The following PTPRD variants were observed in gnomAD, a reference collection of about 807,000 sequenced individuals.
PTPRD encodes protein tyrosine phosphatase receptor type D, also known as receptor-type tyrosine-protein phosphatase delta.
In PTPRD, 34 loss-of-function variants were observed where a neutral mutation model predicts 214.5. The observed-to-expected ratio is 0.16, with a 90% CI of 0.12 to 0.21. The LOEUF (loss-of-function observed/expected upper bound fraction) is 0.21, where lower values mean the gene tolerates loss of function less well. Ranked by LOEUF, PTPRD falls within the 10% of genes least tolerant of loss-of-function variation. The pLI, the probability that PTPRD is intolerant of heterozygous loss-of-function variation, is 1.00. For synonymous variants in PTPRD, 1,128 were observed against 845.7 expected (o/e 1.33, Z -5.79); for missense variants, 2,545 against 2,398.7 (o/e 1.06, Z -1.27).
intron 2 of PTPRD, among the ~76,000 whole-genome samples, chr9:10,494,828 T>C (rs1192637339): frequency 6.6e-6 from 1 of 151,610 alleles, no homozygotes; most frequent in Non-Finnish European, 1.5e-5. Context: ...TGTTTTGATA[T>C]AATTTTATTC....
chr9:10,442,399 G>C (rs562651562), intron 2 of PTPRD, among the ~76,000 whole-genome samples: 2 of 151,726 alleles, frequency 1.3e-5, no homozygotes, highest in South Asian at 4.1e-4. Context: ...AAGTCTGAAA[G>C]GTAGGAGAAT....
rs192580141 is a variant in PTPRD, at chr9:9,835,278, C to T, written c.-367-68427G>A. ...ACTTGTGCCTCTGCCATGAGATAACCATACAACCCCTGAGACTTTTTTTTA... is the reference window on the plus strand; with the variant it reads ...ACTTGTGCCTCTGCCATGAGATAACTATACAACCCCTGAGACTTTTTTTTA... On this transcript the variant is annotated intron_variant, in intron 5 of 45. Transcript: ENST00000381196. Among the ~76,000 whole-genome samples, 385 of 152,150 alleles carry T rather than the reference C, an allele frequency of 2.5e-3. 1 individual carries two copies. The highest frequency in any genetic ancestry group is 4.7e-3 in the Non-Finnish European group (319 of 67,990).
chr9:9,385,556 G>A (rs1382665221), intron 9 of PTPRD, among the ~76,000 whole-genome samples: 1 of 152,096 alleles, frequency 6.6e-6, no homozygotes, highest in Non-Finnish European at 1.5e-5. Context: ...CTTTCAGTGA[G>A]CAAGTATTTC....
At chr9:8,644,267 T>C (rs927542939) in intron 12 of PTPRD, among the ~76,000 whole-genome samples, 1 of 151,798 alleles carries the variant, frequency 6.6e-6, no homozygotes, top group Non-Finnish European at 1.5e-5. Flanking sequence ...AGAGAGGAGC[T>C]ACCCTCTCTG....
chr9:10,342,802 G>A (rs753076526), intron 2 of PTPRD, among the ~76,000 whole-genome samples: 1 of 152,042 alleles, frequency 6.6e-6, no homozygotes, highest in Non-Finnish European at 1.5e-5. Flanking sequence ...GATAAATAAT[G>A]TGCTTGTGTG....
At chr9:9,951,373 G>A (rs1324596929) in intron 4 of PTPRD, among the ~76,000 whole-genome samples, 1 of 152,144 alleles carries the variant, frequency 6.6e-6, no homozygotes, top group African/African-American at 2.4e-5. Context: ...TTATGAAAGT[G>A]GTAGGCCTGT....
At chr9:9,816,174 T>G (rs184490503) in intron 5 of PTPRD, among the ~76,000 whole-genome samples, 161 of 152,280 alleles carry the variant, frequency 1.1e-3, no homozygotes, top group African/African-American at 3.4e-3. Context: ...AACAAAATAT[T>G]TGTTTTCTTG....
intron 12 of PTPRD, among the ~76,000 whole-genome samples, chr9:8,689,110 G>A (rs930397995): frequency 6.6e-6 from 1 of 152,074 alleles, no homozygotes; most frequent in African/African-American, 2.4e-5. Flanking sequence ...ATCAGGCTGG[G>A]CAATCACTAA....
At position 8,497,239 on chromosome 9, in the gene PTPRD, C is replaced by G. The variant is rs2097296777; in HGVS notation, c.2349+3G>C. ...TTTGACAAAACAGTCAAAAATTACT[C>G]ACATGTTCAGTAGTATCATCAAATT... On this transcript the variant is annotated splice_donor_region_variant and intron_variant, in intron 26 of 45. Coordinates refer to ENST00000381196, the MANE Select transcript of PTPRD (RefSeq NM_002839.4). 6.3e-7 allele frequency: 1 copy of G among 1,591,626 alleles called. No individual in the cohort carries two copies. Among genetic ancestry groups the G allele is most frequent in the African/African-American group, 1.4e-5 (1 of 73,588 alleles).
intron 2 of PTPRD, among the ~76,000 whole-genome samples, chr9:10,503,205 A>AAAAAAAC (rs1555437325): frequency 7.4e-6 from 1 of 134,736 alleles, no homozygotes; most frequent in Non-Finnish European, 1.5e-5. Flanking sequence ...AAAAAAAAAA[A>AAAAAAAC]AACAAAAAAA....
At chr9:10,250,044 G>C (rs888246233) in intron 3 of PTPRD, among the ~76,000 whole-genome samples, 2 of 140,056 alleles carry the variant, frequency 1.4e-5, no homozygotes, top group Non-Finnish European at 3.2e-5. Flanking sequence ...TGAATATTAA[G>C]ATGGGACCTC....
intron 2 of PTPRD, among the ~76,000 whole-genome samples, chr9:10,580,679 C>T (rs976899830): frequency 2.5e-4 from 38 of 152,118 alleles, no homozygotes; most frequent in African/African-American, 9.2e-4. Context: ...AATTATAATA[C>T]ATGAAAGTTA....
chr9:10,574,518 A>T (rs528767270), intron 2 of PTPRD, among the ~76,000 whole-genome samples: 1 of 149,966 alleles, frequency 6.7e-6, no homozygotes. Flanking sequence ...AGATACAACT[A>T]CAACTAGAGA....
At chr9:10,460,660 T>A (rs1052624294) in intron 2 of PTPRD, among the ~76,000 whole-genome samples, 2 of 152,130 alleles carry the variant, frequency 1.3e-5, no homozygotes, top group Non-Finnish European at 2.9e-5. Context: ...GATTTACATA[T>A]CTGGATTTAC....
chr9:10,578,822 T>C (rs1352292585), intron 2 of PTPRD, among the ~76,000 whole-genome samples: 5 of 152,200 alleles, frequency 3.3e-5, no homozygotes, highest in African/African-American at 1.2e-4. Context: ...GTACAAACAA[T>C]CCCGTCATCC....
At chr9:9,645,635 C>G (rs1011821326) in intron 7 of PTPRD, among the ~76,000 whole-genome samples, 1 of 151,836 alleles carries the variant, frequency 6.6e-6, no homozygotes, top group Non-Finnish European at 1.5e-5. Context: ...TTAAATGCAA[C>G]TCATTTGGAT....
chr9:9,761,680 T>C (rs992492821), intron 6 of PTPRD, among the ~76,000 whole-genome samples: 3 of 152,160 alleles, frequency 2.0e-5, no homozygotes, highest in African/African-American at 7.2e-5. Context: ...GACTCTCTTA[T>C]GTTTTATAGC....
Position 8,653,323 on chromosome 9 carries a change from G to A in PTPRD, c.65-16479C>T, listed in dbSNP as rs561476863. On this transcript the variant is annotated intron_variant, in intron 12 of 45. Transcript: ENST00000381196. The stretch of plus-strand genomic sequence containing the variant: ...TAAACTACAGGGAAAGACAAAAACA[G>A]TGTTTAGAAATTGCAAAACAACACA... 2.0e-5 allele frequency among the ~76,000 whole-genome samples: 3 copies of A among 152,234 alleles called. No individual in the cohort carries two copies. In the East Asian group the frequency reaches 5.8e-4, roughly 29 times the overall value.
intron 10 of PTPRD, among the ~76,000 whole-genome samples, chr9:9,063,448 G>A (rs2099711439): frequency 6.6e-6 from 1 of 152,046 alleles, no homozygotes. Flanking sequence ...TAAGAGAAAA[G>A]GCTTCCCTTA....
Sources: gnomAD v4.1 joint callset for allele counts (sites outside exome capture counted in the v4.1 genomes callset) on GRCh38, gnomAD v4.1.1 for gene constraint, MANE v1.5 for transcripts, NCBI Gene and HGNC (gene_info 2026-07-23, HGNC 2026-07-21) for gene names.